Variants in IL6ST observed in about 807,000 individuals in gnomAD.
The protein encoded by IL6ST is interleukin 6 cytokine family signal transducer.
A neutral mutation model predicts 91.3 loss-of-function variants in IL6ST; 24 were observed. The observed-to-expected ratio is 0.26, with a 90% confidence interval of 0.19 to 0.37. IL6ST has a LOEUF of 0.37. Among genes scored for constraint, IL6ST ranks in the 10% least tolerant of loss-of-function variants. IL6ST has a pLI of 1.00. For synonymous variants in IL6ST, 351 were observed against 373.6 expected (o/e 0.94, Z 0.70); for missense variants, 914 against 1,078.5 (o/e 0.85, Z 2.14).
intron 14 of IL6ST, among the ~76,000 whole-genome samples, chr5:55,950,937 G>C (rs1751596775): frequency 6.8e-6 from 1 of 146,772 alleles, no homozygotes; most frequent in African/African-American, 2.5e-5. Flanking sequence ...CTGGGCAACA[G>C]AGTAAGACCC....
At chr5:55,963,612 C>A in intron 6 of IL6ST, 106 bp from the exon 7 acceptor site, 1 of 825,040 alleles carries the variant, frequency 1.2e-6, no homozygotes, top group South Asian at 1.7e-5. Flanking sequence ...ATAATTTATC[C>A]TTACCAAATG....
chr5:55,954,736 CTA>C, intron 11 of IL6ST, 72 bp downstream of exon 11: 1 of 1,173,062 alleles, frequency 8.5e-7, no homozygotes, highest in Middle Eastern at 2.0e-4. Context: ...GACCAAAACA[CTA>C]TAAGCAAAAG....
intron 1 of IL6ST, among the ~76,000 whole-genome samples, chr5:55,983,540 TC>T (rs1753785829): frequency 6.6e-6 from 1 of 152,264 alleles, no homozygotes; most frequent in African/African-American, 2.4e-5. Context: ...CTAGTGCTCC[TC>T]TTTGAAATAC....
At chr5:55,959,593 T>G (rs1355214610) in intron 8 of IL6ST, 1 of 1,123,828 alleles carries the variant, frequency 8.9e-7, no homozygotes, top group Non-Finnish European at 1.2e-6. Context: ...ATATATATTA[T>G]CTATAGGAGA....
At position 55,941,578 on chromosome 5, in the gene IL6ST, G is replaced by A. The variant is rs866312303; in HGVS notation, c.2261C>T (p.Ser754Leu). Residue 754 changes from serine (S) to leucine (L), a missense_variant, in exon 17 of 17, where the codon TCG becomes TTG. Ser to Leu is a moderately radical substitution (Grantham distance 145, BLOSUM62 -2). Transcript: ENST00000381298. ...CACGGTAGAATACTGGACAGTGCTC[G>A]AAGTGTTTTGTGAAGATTCATTTTC... ...SDENESSQNTSSTVQYSTVVH... is the reference protein window; with the variant it reads ...SDENESSQNTLSTVQYSTVVH... The A allele has an allele frequency of 6.2e-7, 1 of 1,614,158 alleles. No individual in the cohort carries two copies. Among genetic ancestry groups the A allele is most frequent in the South Asian group, 1.1e-5 (1 of 91,088 alleles).
chr5:55,962,305 T>C (rs1752367253), intron 7 of IL6ST, among the ~76,000 whole-genome samples: 1 of 152,186 alleles, frequency 6.6e-6, no homozygotes, highest in Non-Finnish European at 1.5e-5. Context: ...ATTAGCCCAA[T>C]TCCCTAACAA....
intron 8 of IL6ST, among the ~76,000 whole-genome samples, chr5:55,958,448 T>TA (rs71602928): frequency 0.088 from 13,457 of 152,150 alleles, 680 homozygotes; most frequent in Middle Eastern, 0.14. Context: ...AAGTTTGTCT[T>TA]AAAAAAATCA....
In IL6ST at chr5:55,960,274, G is replaced by A. The variant is rs144718073; in HGVS notation, c.973+128C>T. ...TCTTAATGTCCTTAAAAATTAAAAC[G>A]TTAAAATACTGCAGTTTGAATAAAA... On this transcript the variant is annotated intron_variant, in intron 8 of 16. Coordinates refer to ENST00000381298, the MANE Select transcript of IL6ST (RefSeq NM_002184.4). 91 of 691,050 alleles carry A rather than the reference G, an allele frequency of 1.3e-4. 2 individuals carry two copies. Among genetic ancestry groups the A allele is most frequent in the African/African-American group, 8.0e-4 (44 of 55,278 alleles). 42.8% of individuals were successfully genotyped at this position (691,050 alleles called of 1,614,324 possible).
intron 2 of IL6ST, among the ~76,000 whole-genome samples, chr5:55,980,908 C>T (rs1380386915): frequency 6.6e-6 from 1 of 152,090 alleles, no homozygotes; most frequent in Non-Finnish European, 1.5e-5. Context: ...AAAAATTTTT[C>T]TGTAAAGATG....
chr5:55,970,598 T>C (rs565905788), intron 3 of IL6ST, among the ~76,000 whole-genome samples: 13 of 152,120 alleles, frequency 8.5e-5, no homozygotes, highest in African/African-American at 3.1e-4. Context: ...TGAAGTGGGA[T>C]GATGGCTTGA....
chr5:55,959,633 A>ATTG (rs1179479815), intron 8 of IL6ST: 1 of 1,296,566 alleles, frequency 7.7e-7, no homozygotes. Context: ...AACCAACCAA[A>ATTG]ATTCCAGGAT....
chr5:55,972,308 C>T (rs1205129622), intron 3 of IL6ST, among the ~76,000 whole-genome samples: 3 of 151,350 alleles, frequency 2.0e-5, no homozygotes, highest in Non-Finnish European at 4.4e-5. Flanking sequence ...GTCAGGAGAT[C>T]AAGGCCATCG....
In IL6ST at chr5:55,938,452, A is replaced by C. The variant is rs141757390; in HGVS notation, c.*2630T>G. On this transcript the variant is annotated 3_prime_UTR_variant, in exon 17 of 17. Transcript: ENST00000381298. ...GATACCACAGACATCAGTAACTGAC[A>C]AGTTATAATATCAACACATGTAACA... 247 of 194,388 alleles carry C rather than the reference A, an allele frequency of 1.3e-3. No homozygotes were observed. Among genetic ancestry groups the C allele is most frequent in the Middle Eastern group, 0.011 (6 of 558 alleles). The allele number at this position is 194,388 out of a possible 1,614,324, so 12.0% of individuals were successfully genotyped here.
At chr5:55,986,519 T>A (rs987109222) in intron 1 of IL6ST, among the ~76,000 whole-genome samples, 12 of 152,242 alleles carry the variant, frequency 7.9e-5, no homozygotes, top group Non-Finnish European at 1.3e-4. Context: ...TCCAATCTGA[T>A]AATCTCTGCT....
chr5:55,952,250 G>C lies in IL6ST; in HGVS notation c.1552C>G (p.Pro518Ala), dbSNP rs770071249. The change falls in exon 12 of 17, where the codon CCA (proline) becomes GCA (alanine). Residue 518 changes from proline to alanine, a missense_variant and splice_region_variant. Physicochemically the swap from Pro to Ala is conservative, Grantham distance 27. Coordinates refer to ENST00000381298, the MANE Select transcript of IL6ST (RefSeq NM_002184.4). ...TTCAAAGAAGTGAGTTTGGACTTAC[G>C]AGCTTGTTTAAGGTATGCCTTTATG... ...ESIKAYLKQA[P>A]PSKGPTVRTK... 11 of 1,600,866 alleles carry C rather than the reference G, an allele frequency of 6.9e-6. No individual in the cohort carries two copies. The Admixed American group carries it at 1.7e-4, about 25-fold the overall frequency.
At chr5:55,976,680 C>T (rs1364883193) in intron 2 of IL6ST, among the ~76,000 whole-genome samples, 2 of 152,158 alleles carry the variant, frequency 1.3e-5, no homozygotes, top group African/African-American at 4.8e-5. Flanking sequence ...TAATTCATAG[C>T]ATGGCCAAAA....
chr5:55,988,715 G>C (rs1460126869), intron 1 of IL6ST, among the ~76,000 whole-genome samples: 2 of 150,870 alleles, frequency 1.3e-5, no homozygotes, highest in Non-Finnish European at 3.0e-5. Context: ...GCAGTGAGCC[G>C]GGATGTCGCC....
In IL6ST at chr5:55,939,193, A is replaced by G; in HGVS notation, c.*1889T>C. On this transcript the variant is annotated 3_prime_UTR_variant, in exon 17 of 17. Coordinates refer to ENST00000381298, the MANE Select transcript of IL6ST (RefSeq NM_002184.4). ...CAGCCCAGCCTTTGATGATCAACTTAAAAGCTGGAGATGTCATTATCTTGT... is the reference window on the plus strand; with the variant it reads ...CAGCCCAGCCTTTGATGATCAACTTGAAAGCTGGAGATGTCATTATCTTGT... 1 of 214,328 alleles carries G rather than the reference A, an allele frequency of 4.7e-6. No individual in the cohort carries two copies. The highest frequency in any genetic ancestry group is 9.4e-6 in the Non-Finnish European group (1 of 106,052). The allele number at this position is 214,328 out of a possible 1,614,324, so 13.3% of individuals were successfully genotyped here. A position where few individuals can be genotyped will look rare whatever the true frequency, so the allele number is the denominator to read the frequency against.
At chr5:55,993,034 C>G (rs1754419511) in intron 1 of IL6ST, among the ~76,000 whole-genome samples, 1 of 152,226 alleles carries the variant, frequency 6.6e-6, no homozygotes, top group South Asian at 2.1e-4. Flanking sequence ...AACCTCAACT[C>G]TGATCATTCT....
Sources: allele counts gnomAD v4.1 joint callset (sites outside exome capture counted in the v4.1 genomes callset), GRCh38; gene constraint gnomAD v4.1.1; transcripts MANE v1.5; gene names NCBI Gene and HGNC (gene_info 2026-07-23, HGNC 2026-07-21).